The following MACROH2A2 variants were observed in gnomAD, a reference collection of about 807,000 sequenced individuals.
MACROH2A2 encodes the protein core histone macro-H2A.2.
In MACROH2A2, 6 loss-of-function variants were observed where a neutral mutation model predicts 37.6. The observed-to-expected ratio is 0.16, with a 90% CI of 0.09 to 0.32. The LOEUF is 0.32. MACROH2A2 is among the 10% of genes least tolerant of loss of function. The pLI is 1.00. For synonymous variants in MACROH2A2, 192 were observed against 202.7 expected, an observed-to-expected ratio of 0.95 and a Z score of 0.45; for missense variants, 290 against 485.9, an observed-to-expected ratio of 0.60 and a Z score of 3.79.
chr10:70,064,710 C>T (rs1277641259), intron 1 of MACROH2A2, among the ~76,000 whole-genome samples: 1 of 152,074 alleles, frequency 6.6e-6, no homozygotes, highest in East Asian at 1.9e-4. Context: ...TCATTTTTTT[C>T]TTGCTGCTGC....
chr10:70,101,678 G>A (rs1589840337), intron 7 of MACROH2A2, among the ~76,000 whole-genome samples: 1 of 152,200 alleles, frequency 6.6e-6, no homozygotes, highest in East Asian at 1.9e-4. Context: ...TCAGGCCCTG[G>A]CAAGCACTAA....
chr10:70,094,483 C>T (rs1169971018), intron 5 of MACROH2A2, among the ~76,000 whole-genome samples: 2 of 152,084 alleles, frequency 1.3e-5, no homozygotes, highest in Non-Finnish European at 2.9e-5. Flanking sequence ...AATAAGACAC[C>T]CAAGGAAAGA....
chr10:70,100,744 G>A (rs1345006883), intron 7 of MACROH2A2, among the ~76,000 whole-genome samples: 1 of 151,732 alleles, frequency 6.6e-6, no homozygotes, highest in Non-Finnish European at 1.5e-5. Flanking sequence ...AGCCTCCCGA[G>A]TTGCTGGAAT....
intron 1 of MACROH2A2, among the ~76,000 whole-genome samples, chr10:70,072,434 T>C (rs1469073146): frequency 1.3e-5 from 2 of 152,202 alleles, no homozygotes; most frequent in Admixed American, 6.5e-5. Context: ...GTAATAATAA[T>C]GCCTCCTTCT....
chr10:70,097,110 T>A (rs1250627547), intron 6 of MACROH2A2, among the ~76,000 whole-genome samples: 1 of 152,138 alleles, frequency 6.6e-6, no homozygotes, highest in Admixed American at 6.5e-5. Flanking sequence ...GAGCAAAAAT[T>A]CACGCTCAGA....
chr10:70,109,371 T>C lies in MACROH2A2; in HGVS notation c.953+164T>C, dbSNP rs149765411. On this transcript the variant is annotated intron_variant, in intron 8 of 8. Transcript: ENST00000373255. ...CCCGGTTTTCATCCTTCAGAAACCA[T>C]GGGGAAGCGAGCCCACTGGCTCCTA... is the stretch of plus-strand genomic sequence containing the variant. Among the ~76,000 whole-genome samples the C allele has an allele frequency of 2.7e-3, 405 of 152,316 alleles. 4 individuals carry two copies. Among genetic ancestry groups the C allele is most frequent in the African/African-American group, 8.3e-3 (347 of 41,568 alleles).
Position 70,111,795 on chromosome 10 carries a change from C to G in MACROH2A2, c.*112C>G. On this transcript the variant is annotated 3_prime_UTR_variant, in exon 9 of 9. Coordinates refer to ENST00000373255, the MANE Select transcript of MACROH2A2 (RefSeq NM_018649.3). Reference sequence around the variant, plus strand: ...GGCAGGGGAGTGGAGGGTGGCCGGGCAGGTCCTGCCGGCGCAGGGAGCCCT... The same window carrying G: ...GGCAGGGGAGTGGAGGGTGGCCGGGGAGGTCCTGCCGGCGCAGGGAGCCCT... 1.1e-6 allele frequency: 1 copy of G among 894,192 alleles called. No individual in the cohort carries two copies. The highest frequency in any genetic ancestry group is 1.6e-6 in the Non-Finnish European group (1 of 631,170). 55.4% of individuals were successfully genotyped at this position (894,192 alleles called of 1,614,324 possible). A position where few individuals can be genotyped will look rare whatever the true frequency, so the allele number is the denominator to read the frequency against.
intron 1 of MACROH2A2, among the ~76,000 whole-genome samples, chr10:70,066,500 C>T (rs538098399): frequency 1.3e-5 from 2 of 152,240 alleles, no homozygotes; most frequent in East Asian, 1.9e-4. Context: ...CTGGCTAAAA[C>T]ACTCCCATTC....
intron 1 of MACROH2A2, among the ~76,000 whole-genome samples, chr10:70,070,011 C>T (rs1440486842): frequency 6.6e-6 from 1 of 152,156 alleles, no homozygotes; most frequent in Admixed American, 6.5e-5. Flanking sequence ...TTCCTCCCGT[C>T]GGTGGGCTCT....
intron 2 of MACROH2A2, among the ~76,000 whole-genome samples, chr10:70,085,038 T>G (rs1018117685): frequency 6.6e-6 from 1 of 152,130 alleles, no homozygotes; most frequent in African/African-American, 2.4e-5. Context: ...GAAGAGAGCT[T>G]TAACTCAGGC....
chr10:70,100,365 C>T (rs527892673), intron 7 of MACROH2A2, 68 bp downstream of exon 7: 11 of 840,242 alleles, frequency 1.3e-5, no homozygotes, highest in South Asian at 3.0e-5. Context: ...TCCAGCCTCA[C>T]GTGCCTCATG....
chr10:70,074,705 C>G (rs2072130654), intron 1 of MACROH2A2, among the ~76,000 whole-genome samples: 1 of 152,152 alleles, frequency 6.6e-6, no homozygotes, highest in African/African-American at 2.4e-5. Context: ...GAGGAAACCC[C>G]TTTCGCTTGG....
chr10:70,054,014 C>G (rs901359432), intron 1 of MACROH2A2, among the ~76,000 whole-genome samples: 1 of 152,170 alleles, frequency 6.6e-6, no homozygotes, highest in Middle Eastern at 3.2e-3. Context: ...GGCCAGCCCC[C>G]CGGATCGCCC....
chr10:70,067,895 G>A (rs1050663552), intron 1 of MACROH2A2, among the ~76,000 whole-genome samples: 2 of 152,174 alleles, frequency 1.3e-5, no homozygotes, highest in South Asian at 4.1e-4. Flanking sequence ...AAAGGGAGGA[G>A]GAAGGTGGGT....
chr10:70,063,308 A>C (rs1227807954), intron 1 of MACROH2A2, among the ~76,000 whole-genome samples: 3 of 152,232 alleles, frequency 2.0e-5, no homozygotes, highest in Non-Finnish European at 2.9e-5. Context: ...ATAAGGGCAC[A>C]TGCTAAGGGG....
intron 8 of MACROH2A2, among the ~76,000 whole-genome samples, chr10:70,110,104 T>C (rs2072361085): frequency 6.6e-6 from 1 of 152,190 alleles, no homozygotes; most frequent in Non-Finnish European, 1.5e-5. Context: ...TGCTGTGAGA[T>C]GCATTCTTTC....
chr10:70,088,301 T>TC (rs1416382479), intron 2 of MACROH2A2, among the ~76,000 whole-genome samples: 2 of 151,630 alleles, frequency 1.3e-5, no homozygotes, highest in African/African-American at 4.9e-5. Flanking sequence ...ATGCACACTT[T>TC]CCCCCCTCAT....
chr10:70,110,479 G>A (rs1411533959), intron 8 of MACROH2A2, among the ~76,000 whole-genome samples: 2 of 152,356 alleles, frequency 1.3e-5, no homozygotes, highest in Admixed American at 6.5e-5. Flanking sequence ...ATATAAACCA[G>A]TTTGGAGGGA....
chr10:70,058,826 G>A (rs947405818), intron 1 of MACROH2A2, among the ~76,000 whole-genome samples: 3 of 151,990 alleles, frequency 2.0e-5, no homozygotes, highest in South Asian at 2.1e-4. Flanking sequence ...TGCTCATCCC[G>A]AGTGGTAAAC....
Sources: allele counts gnomAD v4.1 joint callset (sites outside exome capture counted in the v4.1 genomes callset), GRCh38; gene constraint gnomAD v4.1.1; transcripts MANE v1.5; gene names NCBI Gene and HGNC (gene_info 2026-07-23, HGNC 2026-07-21).